YIPF2: variants seen among roughly 807,000 people sequenced by gnomAD.
The protein encoded by YIPF2 is Yip1 domain family member 2.
YIPF2 carries 30 observed loss-of-function variants against 38.8 expected under a neutral mutation model. The ratio of observed to expected loss-of-function variants is 0.77; its 90% CI spans 0.58 to 1.05. The LOEUF (loss-of-function observed/expected upper bound fraction) is 1.05, where lower values mean the gene tolerates loss of function less well. Ranked by LOEUF, YIPF2 falls within the 50% of genes least tolerant of loss-of-function variation. The pLI, the probability that YIPF2 is intolerant of heterozygous loss-of-function variation, is 0.00. For synonymous variants in YIPF2, 194 were observed against 183.8 expected, an observed-to-expected ratio of 1.06 and a Z score of -0.45; for missense variants, 401 against 409.7, an observed-to-expected ratio of 0.98 and a Z score of 0.18.
intron 5 of YIPF2, among the ~76,000 whole-genome samples, chr19:10,924,766 C>T (rs868122486): frequency 6.7e-6 from 1 of 150,088 alleles, no homozygotes; most frequent in Admixed American, 6.7e-5. Context: ...CCACTCCCCC[C>T]ACCCCCACCT....
At position 10,924,161 on chromosome 19, in the gene YIPF2, A is replaced by G. The variant is rs61747440; in HGVS notation, c.399T>C (p.Phe133=). The change falls in exon 6 of 10, where the codon TTT becomes TTC. Residue 133 remains phenylalanine, a synonymous_variant. Transcript: ENST00000586748. ...TCAGGTTGCCAGTGACGGCCAGGAC[A>G]AAGGCCAACGTGGCACAGATCCAGA... ...GPFWICATLA[F]VLAVTGNLTL... 3,681 of 1,613,150 alleles carry G rather than the reference A, an allele frequency of 2.3e-3. 53 individuals are homozygous for G. The African/African-American group carries it at 0.032, about 14-fold the overall frequency.
In YIPF2 at chr19:10,924,211, G is replaced by A; in HGVS notation, c.368-19C>T. On this transcript the variant is annotated intron_variant, in intron 5 of 9. Coordinates refer to ENST00000586748, the MANE Select transcript of YIPF2 (RefSeq NM_001321439.2). ...AAGGGGCCTGGGGGTAGGGGGCACA[G>A]TCAGGGTCCCGGGCCCTGCACTCCC... The A allele has an allele frequency of 1.2e-6, 2 of 1,602,960 alleles. No homozygotes were observed. The highest frequency in any genetic ancestry group is 1.7e-6 in the Non-Finnish European group (2 of 1,175,838).
Position 10,927,891 on chromosome 19 carries a change from G to A in YIPF2, c.100C>T (p.Leu34=), listed in dbSNP as rs773837355. The part of the protein sequence containing the change: ...DAATTSRSDQ[L]TPQGHVAVAV... ...ACAGCCACGTGCCCTTGTGGGGTCA[G>A]CTGATCGCTTCTGCTGGTGGTGGCT... The change falls in exon 3 of 10, where the codon CTG becomes TTG. Residue 34 remains leucine, a synonymous_variant. Transcript: ENST00000586748. 2 of 1,612,556 alleles carry A rather than the reference G, an allele frequency of 1.2e-6. No homozygotes were observed. Among genetic ancestry groups the A allele is most frequent in the Non-Finnish European group, 1.7e-6 (2 of 1,178,900 alleles).
chr19:10,928,252 G>T, intron 2 of YIPF2, 128 bp downstream of exon 2: 1 of 1,170,190 alleles, frequency 8.5e-7, no homozygotes, highest in Non-Finnish European at 1.1e-6. Context: ...GTCAGAGATG[G>T]GTCTCACTCC....
chr19:10,922,450 AG>A lies in YIPF2; in HGVS notation c.*743del, dbSNP rs1431568947. The A allele has an allele frequency of 6.7e-6, 1 of 149,038 alleles. No individual in the cohort carries two copies. The highest frequency in any genetic ancestry group is 2.5e-5 in the African/African-American group (1 of 40,470). The allele number at this position is 149,038 out of a possible 1,614,324, so 9.2% of individuals were successfully genotyped here. ...GCCTCTTGCTGCTGTCCTGTCCCCG[AG>A]CCCCTGCAGGTCCCCCCCCGCCCCC... On this transcript the variant is annotated 3_prime_UTR_variant, in exon 10 of 10. Coordinates refer to ENST00000586748, the MANE Select transcript of YIPF2 (RefSeq NM_001321439.2).
chr19:10,925,726 G>C lies in YIPF2; in HGVS notation c.327C>G (p.Asn109Lys). 1.8e-5 allele frequency: 29 copies of C among 1,614,018 alleles called. No individual in the cohort carries two copies. The highest frequency in any genetic ancestry group is 2.4e-5 in the Non-Finnish European group (28 of 1,180,010). ...KGSLLPRPGH[N>K]FVRHHLRNRP... ...GATTCCGCAGATGGTGCCGCACAAA[G>C]TTGTGGCCAGGCCGGGGCAGCAGTG... Residue 109 changes from asparagine (N) to lysine (K), a missense_variant, in exon 5 of 10, where the codon AAC becomes AAG. Transcript: ENST00000586748.
chr19:10,927,980 A>G (rs756827634), intron 2 of YIPF2, 21 bp from the exon 3 acceptor site: 1 of 1,588,016 alleles, frequency 6.3e-7, no homozygotes, highest in Non-Finnish European at 8.6e-7. Context: ...GGTATATGGG[A>G]CACACGCACG....
In YIPF2 at chr19:10,923,318, G is replaced by A. The variant is rs773000513; in HGVS notation, c.924C>T (p.Thr308=). 6.2e-6 allele frequency: 10 copies of A among 1,612,486 alleles called. No individual in the cohort carries two copies. Among genetic ancestry groups the A allele is most frequent in the Middle Eastern group, 1.7e-4 (1 of 6,024 alleles). The change falls in exon 9 of 10, where the codon ACC becomes ACT. Residue 308 remains threonine, a synonymous_variant. Transcript: ENST00000586748. ...SLPSNIALSP[T]LPQSLAPS is the part of the protein sequence containing the mutation. ...AGGAGGGGGCCAGGGACTGCGGCAA[G>A]GTAGGGGACAGCGCGATGTTTGAGG... is the stretch of plus-strand genomic sequence containing the variant.
rs1415081838 is a variant in YIPF2, at chr19:10,927,647, C to T, written c.262G>A (p.Asp88Asn). 1 of 1,613,864 alleles carries T rather than the reference C, an allele frequency of 6.2e-7. No homozygotes were observed. The highest frequency in any genetic ancestry group is 1.1e-5 in the South Asian group (1 of 91,058). The change falls in exon 4 of 10, where the codon GAC becomes AAC. Residue 88 changes from aspartate (D) to asparagine (N), a missense_variant. Physicochemically the swap from Asp to Asn is conservative, Grantham distance 23. Transcript: ENST00000586748. ...AGCCTGACCTGTGAGGTGTCCACGTCAAAGAAGCTCTGATAGTAGCTGAAG... is the reference window on the plus strand; with the variant it reads ...AGCCTGACCTGTGAGGTGTCCACGTTAAAGAAGCTCTGATAGTAGCTGAAG... ...WTFSYYQSFF[D>N]VDTSQVLDRI... is the part of the protein sequence containing the mutation.
At position 10,923,990 on chromosome 19, in the gene YIPF2, G is replaced by C. The variant is rs776430217; in HGVS notation, c.494C>G (p.Ala165Gly). Residue 165 changes from alanine (A) to glycine (G), a missense_variant, in exon 7 of 10, where the codon GCA becomes GGA. Ala to Gly is a moderately conservative substitution (Grantham distance 60). Transcript: ENST00000586748. Reference sequence around the variant, plus strand: ...CGCATAGCAGTAGATGCTGATGCCTGCCACGGTCACTGGGGGGGGCAAGGT... The same window carrying C: ...CGCATAGCAGTAGATGCTGATGCCTCCCACGGTCACTGGGGGGGGCAAGGT... ...YSPQFHKVTV[A>G]GISIYCYAWL... is the part of the protein sequence containing the mutation. 10 of 1,612,860 alleles carry C rather than the reference G, an allele frequency of 6.2e-6. No individual in the cohort carries two copies. The Admixed American group carries it at 1.2e-4, about 19-fold the overall frequency.
At chr19:10,925,902 T>G in intron 4 of YIPF2, 129 bp from the exon 5 acceptor site, 5 of 560,232 alleles carry the variant, frequency 8.9e-6, no homozygotes, top group African/African-American at 2.0e-5. Flanking sequence ...AGCCTTTCCC[T>G]CTCTTTTTTT....
chr19:10,923,223 C>G (rs185388712), intron 9 of YIPF2, 49 bp from the exon 10 acceptor site: 171 of 1,475,380 alleles, frequency 1.2e-4, no homozygotes, highest in Admixed American at 5.6e-4. Context: ...CTCGCCTTGA[C>G]TGGGAGTGGG....
chr19:10,923,857 G>GTAC lies in YIPF2; in HGVS notation c.626_627insGTA (p.Ser209_Leu210insTyr), dbSNP rs1379850558. The GTAC allele has an allele frequency of 4.3e-6, 7 of 1,613,056 alleles. No homozygotes were observed. Among genetic ancestry groups the GTAC allele is most frequent in the Non-Finnish European group, 5.9e-6 (7 of 1,179,646 alleles). ...CCACCATGGGGATGAAGACAAAGAG[G>GTAC]GAGTAGCCGTAGATGCACACAGTCT... is the stretch of plus-strand genomic sequence containing the variant. On this transcript the variant is annotated inframe_insertion, in exon 7 of 10. Coordinates refer to ENST00000586748, the MANE Select transcript of YIPF2 (RefSeq NM_001321439.2).
intron 4 of YIPF2, among the ~76,000 whole-genome samples, chr19:10,927,030 C>T (rs1039965355): frequency 5.3e-5 from 8 of 151,748 alleles, no homozygotes; most frequent in Admixed American, 2.0e-4. Context: ...CCACAAAGCC[C>T]GGCTAATTTT....
rs767131387 is a variant in YIPF2, at chr19:10,924,096, T to C, written c.464A>G (p.Tyr155Cys). 9 of 1,613,860 alleles carry C rather than the reference T, an allele frequency of 5.6e-6. No homozygotes were observed. Among genetic ancestry groups the C allele is most frequent in the Non-Finnish European group, 7.6e-6 (9 of 1,179,888 alleles). Reference sequence around the variant, plus strand: ...CTTACCCTTGTGGAACTGGGGGCTGTAGTGGATGGAGGGGTCCCTCCTCTG... The same window carrying C: ...CTTACCCTTGTGGAACTGGGGGCTGCAGTGGATGGAGGGGTCCCTCCTCTG... ...LAQRRDPSIHYSPQFHKVTVA... is the reference protein window; with the variant it reads ...LAQRRDPSIHCSPQFHKVTVA... Residue 155 changes from tyrosine to cysteine, a missense_variant, in exon 6 of 10, where the codon TAC becomes TGC. Tyr to Cys is a radical substitution (Grantham distance 194). Coordinates refer to ENST00000586748, the MANE Select transcript of YIPF2 (RefSeq NM_001321439.2).
At position 10,923,885 on chromosome 19, in the gene YIPF2, A is replaced by C. The variant is rs746673791; in HGVS notation, c.599T>G (p.Leu200Arg). The stretch of plus-strand genomic sequence containing the variant: ...GTAGCCGTAGATGCACACAGTCTCC[A>C]GGAAGGTGTAGGGCCCCATGCGCTC... ...VQERMGPYTF[L>R]ETVCIYGYSL... The change falls in exon 7 of 10, where the codon CTG (leucine) becomes CGG (arginine). Residue 200 changes from leucine to arginine, a missense_variant. Physicochemically the swap from Leu to Arg is moderately radical, Grantham distance 102. Transcript: ENST00000586748. The C allele has an allele frequency of 6.2e-7, 1 of 1,613,314 alleles. No individual in the cohort carries two copies. The highest frequency in any genetic ancestry group is 8.5e-7 in the Non-Finnish European group (1 of 1,179,644).
At position 10,923,522 on chromosome 19, in the gene YIPF2, G is replaced by C. The variant is rs779253687; in HGVS notation, c.807C>G (p.Leu269=). 7 of 1,612,550 alleles carry C rather than the reference G, an allele frequency of 4.3e-6. No homozygotes were observed. The highest frequency in any genetic ancestry group is 5.9e-6 in the Non-Finnish European group (7 of 1,179,730). Residue 269 remains leucine, a synonymous_variant, in exon 8 of 10, where the codon CTC becomes CTG. Transcript: ENST00000586748. ...ATVLLSVVVL[L]HALLAMGCKL... is the part of the protein sequence containing the mutation. ...TACAGCCCATGGCCAGGAGGGCGTGGAGCAGCACGACCACGGACAGCAGCA... is the reference window on the plus strand; with the variant it reads ...TACAGCCCATGGCCAGGAGGGCGTGCAGCAGCACGACCACGGACAGCAGCA...
Position 10,925,775 on chromosome 19 carries a change from T to C in YIPF2, c.280-2A>G, listed in dbSNP as rs772831723. On this transcript the variant is annotated splice_acceptor_variant, in intron 4 of 9. Coordinates refer to ENST00000586748, the MANE Select transcript of YIPF2 (RefSeq NM_001321439.2). LOFTEE classifies it high-confidence loss of function. Reference sequence around the variant, plus strand: ...TGAGCCTTTGATCCGGTCCAGGACCTGGGGGCAAGGCCAAGGTCAAGGATG... The same window carrying C: ...TGAGCCTTTGATCCGGTCCAGGACCCGGGGGCAAGGCCAAGGTCAAGGATG... 2 of 1,613,528 alleles carry C rather than the reference T, an allele frequency of 1.2e-6. No homozygotes were observed. The highest frequency in any genetic ancestry group is 1.1e-5 in the South Asian group (1 of 91,046).
chr19:10,925,291 C>A (rs1378850927), intron 5 of YIPF2, among the ~76,000 whole-genome samples: 1 of 152,054 alleles, frequency 6.6e-6, no homozygotes, highest in African/African-American at 2.4e-5. Context: ...TGATCTGTCC[C>A]CTCGCCTGTG....
Sources: allele counts gnomAD v4.1 joint callset (sites outside exome capture counted in the v4.1 genomes callset), GRCh38; gene constraint gnomAD v4.1.1; transcripts MANE v1.5; gene names NCBI Gene and HGNC (gene_info 2026-07-23, HGNC 2026-07-21).